The following REV1 variants were observed in gnomAD, a reference collection of about 807,000 sequenced individuals.
REV1 encodes translesion synthesis protein REV1.
Under a neutral mutation model 137.4 loss-of-function variants are expected in REV1, and 42 were observed. The ratio of observed to expected loss-of-function variants is 0.31; its 90% CI spans 0.24 to 0.40. REV1 has a LOEUF of 0.40. Among genes scored for constraint, REV1 ranks in the 10% least tolerant of loss-of-function variants. REV1 has a pLI of 1.00. For missense variants in REV1, 1,282 were observed against 1,490.1 expected, an observed-to-expected ratio of 0.86 and a Z score of 2.30; for synonymous variants, 524 against 519.2, an observed-to-expected ratio of 1.01 and a Z score of -0.12.
chr2:99,409,287 G>GT (rs1336744479), intron 14 of REV1, among the ~76,000 whole-genome samples: 6 of 152,126 alleles, frequency 3.9e-5, no homozygotes, highest in African/African-American at 1.2e-4. Flanking sequence ...TAACTTGGGA[G>GT]TTTCTCTGTT....
In REV1 at chr2:99,438,815, G is replaced by A. The variant is rs374819675; in HGVS notation, c.999C>T (p.Ser333=). 1.9e-6 allele frequency: 3 copies of A among 1,614,252 alleles called. No homozygotes were observed. The highest frequency in any genetic ancestry group is 2.5e-6 in the Non-Finnish European group (3 of 1,180,032). ...TGGATGGCACTGAAGGTGCTGCCTT[G>A]CTAAACGTAGATACTGAAGAAGTGC... The part of the protein sequence containing the change: ...TKSTSSVSTF[S]KAAPSVPSKP... Residue 333 remains serine (S), a synonymous_variant, in exon 6 of 23, where the codon AGC becomes AGT. Coordinates refer to ENST00000258428, the MANE Select transcript of REV1 (RefSeq NM_016316.4).
At chr2:99,424,901 T>C in intron 9 of REV1, 1 of 1,300,040 alleles carries the variant, frequency 7.7e-7, no homozygotes. Flanking sequence ...TTGAGGGACC[T>C]AATTGAAAAT....
intron 12 of REV1, among the ~76,000 whole-genome samples, chr2:99,414,068 T>G (rs1677532287): frequency 6.6e-6 from 1 of 152,108 alleles, no homozygotes; most frequent in African/African-American, 2.4e-5. Flanking sequence ...GTTGGAAAGA[T>G]CCCTTGAGCC....
chr2:99,451,214 C>T (rs1230571807), intron 3 of REV1: 2 of 431,976 alleles, frequency 4.6e-6, no homozygotes, highest in Non-Finnish European at 6.5e-6. Context: ...AATTAATTTG[C>T]AAGTTAATCT....
chr2:99,410,226 G>C (rs577657147), intron 14 of REV1, among the ~76,000 whole-genome samples: 111 of 152,180 alleles, frequency 7.3e-4, no homozygotes, highest in Non-Finnish European at 1.3e-3. Context: ...GGCCAGGCTG[G>C]TCTCAAATTC....
At chr2:99,447,716 G>GTT (rs200602854) in intron 4 of REV1, among the ~76,000 whole-genome samples, 6 of 145,444 alleles carry the variant, frequency 4.1e-5, no homozygotes, top group Non-Finnish European at 4.6e-5. Flanking sequence ...ACTGCATAAA[G>GTT]TTTTTTTTTT....
chr2:99,461,021 C>CCTGT (rs1684129409), intron 3 of REV1, among the ~76,000 whole-genome samples: 1 of 151,318 alleles, frequency 6.6e-6, no homozygotes, highest in Non-Finnish European at 1.5e-5. Context: ...AGAAGCAATG[C>CCTGT]CTGTTTTCAT....
intron 1 of REV1, among the ~76,000 whole-genome samples, chr2:99,479,938 T>G (rs1046583256): frequency 6.6e-6 from 1 of 151,868 alleles, no homozygotes; most frequent in Non-Finnish European, 1.5e-5. Context: ...ATCAGTAGGA[T>G]TTTACAGGAT....
At chr2:99,451,114 T>C (rs557104988) in intron 3 of REV1, among the ~76,000 whole-genome samples, 7 of 152,304 alleles carry the variant, frequency 4.6e-5, no homozygotes, top group South Asian at 4.1e-4. Context: ...GCTGATCTTA[T>C]AGAATAACAG....
intron 1 of REV1, among the ~76,000 whole-genome samples, chr2:99,474,284 A>G (rs1685731552): frequency 6.6e-6 from 1 of 152,196 alleles, no homozygotes; most frequent in Non-Finnish European, 1.5e-5. Flanking sequence ...TTTGCACACA[A>G]TAGTTGACTT....
At chr2:99,422,070 C>G (rs2104601165) in intron 10 of REV1, among the ~76,000 whole-genome samples, 1 of 152,198 alleles carries the variant, frequency 6.6e-6, no homozygotes, top group South Asian at 2.1e-4. Context: ...CTTTAAGGAA[C>G]AGAAAAATTA....
intron 7 of REV1, chr2:99,435,437 T>C (rs1237533676): frequency 6.5e-6 from 1 of 153,760 alleles, no homozygotes; most frequent in Non-Finnish European, 1.4e-5. Flanking sequence ...AGTTGGGATG[T>C]TCATGGGCAT....
intron 1 of REV1, among the ~76,000 whole-genome samples, chr2:99,479,692 G>A (rs763297945): frequency 6.6e-6 from 1 of 152,046 alleles, no homozygotes. Context: ...GGAGGCTGAG[G>A]TGGGAGGATC....
intron 1 of REV1, among the ~76,000 whole-genome samples, chr2:99,476,573 A>C (rs924631251): frequency 9.9e-5 from 15 of 151,984 alleles, no homozygotes; most frequent in African/African-American, 3.6e-4. Flanking sequence ...AATAATAATA[A>C]TAATAATGTC....
At chr2:99,460,934 A>G (rs573761380) in intron 3 of REV1, among the ~76,000 whole-genome samples, 1 of 152,328 alleles carries the variant, frequency 6.6e-6, no homozygotes, top group African/African-American at 2.4e-5. Context: ...TCCCTCACAC[A>G]AAGAATCTCT....
At chr2:99,406,951 T>A (rs1289057230) in intron 15 of REV1, 1 of 152,280 alleles carries the variant, frequency 6.6e-6, no homozygotes, top group African/African-American at 2.4e-5. Context: ...AAAGTGCCAT[T>A]ATAACAGTAT....
At chr2:99,474,609 T>C (rs1685766844) in intron 1 of REV1, among the ~76,000 whole-genome samples, 1 of 152,126 alleles carries the variant, frequency 6.6e-6, no homozygotes, top group Non-Finnish European at 1.5e-5. Flanking sequence ...TAGTCCATAT[T>C]GATAAGCAGA....
At chr2:99,476,117 G>A (rs1270587606) in intron 1 of REV1, among the ~76,000 whole-genome samples, 3 of 152,200 alleles carry the variant, frequency 2.0e-5, no homozygotes, top group African/African-American at 7.2e-5. Context: ...ACAACAAGAT[G>A]TACCTATCCA....
intron 16 of REV1, 26 bp from the exon 17 acceptor site, chr2:99,406,132 G>A (rs756020313): frequency 2.2e-5 from 34 of 1,575,602 alleles, no homozygotes; most frequent in Middle Eastern, 1.7e-4. Flanking sequence ...ATATAAAATA[G>A]CCTCTTCAGA....
Sources: allele counts gnomAD v4.1 joint callset (sites outside exome capture counted in the v4.1 genomes callset), GRCh38; gene constraint gnomAD v4.1.1; transcripts MANE v1.5; gene names NCBI Gene and HGNC (gene_info 2026-07-23, HGNC 2026-07-21).